The following APCDD1L variants were observed in gnomAD, a reference collection of about 807,000 sequenced individuals.
The protein encoded by APCDD1L is protein APCDD1-like.
In APCDD1L, 21 loss-of-function variants were observed where a neutral mutation model predicts 24.2. The observed-to-expected ratio is 0.87, with a 90% CI of 0.61 to 1.25. The LOEUF is 1.25. Ranked by LOEUF, APCDD1L falls within the 50% of genes most tolerant of loss-of-function variation. APCDD1L has a pLI of 0.00. For synonymous variants in APCDD1L, 321 were observed against 323.6 expected (o/e 0.99, Z 0.09); for missense variants, 704 against 711.7 (o/e 0.99, Z 0.12).
In APCDD1L at chr20:58,512,569, G is replaced by A. The variant is rs535256369; in HGVS notation, c.49+2090C>T. On this transcript the variant is annotated intron_variant, in intron 1 of 3. Transcript: ENST00000371149. ...GCGAGGTTAAGAACCCCTAACGTGT[G>A]TGTACTCAATCTGAATTCTCTTGGT... Among the ~76,000 whole-genome samples, 3 of 152,254 alleles carry A rather than the reference G, an allele frequency of 2.0e-5. No individual in the cohort carries two copies. The South Asian group carries it at 6.2e-4, about 32-fold the overall frequency.
At chr20:58,465,001 G>C (rs1204747498) in intron 3 of APCDD1L, among the ~76,000 whole-genome samples, 1 of 152,100 alleles carries the variant, frequency 6.6e-6, no homozygotes, top group Non-Finnish European at 1.5e-5. Context: ...GGTCACCCAG[G>C]TTGGCCGGGC....
chr20:58,461,353 A>G lies in APCDD1L; in HGVS notation c.943T>C (p.Tyr315His). The G allele has an allele frequency of 1.3e-6, 2 of 1,586,322 alleles. No homozygotes were observed. The highest frequency in any genetic ancestry group is 1.7e-6 in the Non-Finnish European group (2 of 1,161,706). The change falls in exon 4 of 4, where the codon TAC becomes CAC. Residue 315 changes from tyrosine to histidine, a missense_variant. Transcript: ENST00000371149. The surrounding 1 kb of genome is among the most constrained non-coding windows in gnomAD (Gnocchi z 6.0). Reference sequence around the variant, plus strand: ...CAGGCTGGGTCTGAGAAGTGGTGGTAATACCCTTCCCAGGAGCGGCTGTGC... The same window carrying G: ...CAGGCTGGGTCTGAGAAGTGGTGGTGATACCCTTCCCAGGAGCGGCTGTGC... ...HGHSRSWEGY[Y>H]HHFSDPACRQ...
At position 58,478,422 on chromosome 20, in the gene APCDD1L, C is replaced by CCCTTT. The variant is rs999304761; in HGVS notation, c.50-7676_50-7675insAAAGG. On this transcript the variant is annotated intron_variant, in intron 1 of 3. Transcript: ENST00000371149. ...TTCCTCCCTCCTTCCTTCCCTTTTC[C>CCCTTT]CCTTCCCTTCCCTTCCCTCATTTCT... Among the ~76,000 whole-genome samples the CCCTTT allele has an allele frequency of 4.7e-5, 7 of 149,756 alleles. No individual in the cohort carries two copies. The Admixed American group carries it at 4.7e-4, about 10-fold the overall frequency.
At chr20:58,464,956 G>A (rs1231481572) in intron 3 of APCDD1L, among the ~76,000 whole-genome samples, 1 of 150,248 alleles carries the variant, frequency 6.7e-6, no homozygotes, top group Non-Finnish European at 1.5e-5. Context: ...ACATTTCTAT[G>A]TGTTTTGCTT....
chr20:58,476,466 G>C (rs1366850207), intron 1 of APCDD1L, among the ~76,000 whole-genome samples: 2 of 152,252 alleles, frequency 1.3e-5, no homozygotes, highest in African/African-American at 4.8e-5. Context: ...TGGGATTACA[G>C]GCGTGAGCCA....
chr20:58,467,151 C>A lies in APCDD1L; in HGVS notation c.696G>T (p.Arg232=), dbSNP rs373848030. The stretch of plus-strand genomic sequence containing the variant: ...GCTGGTAGCCCGTGGGCCGGTAGTG[C>A]CGCCTCTCCGCCGGGTCGGTGTGGA... ...GDIHTDPAER[R]HYRPTGYQRP... Residue 232 remains arginine (R), a synonymous_variant, in exon 3 of 4, where the codon CGG becomes CGT. Transcript: ENST00000371149. This position sits in a 1 kb window ranked among gnomAD's most constrained non-coding sequence, Gnocchi z 5.9. 5 of 1,607,908 alleles carry A rather than the reference C, an allele frequency of 3.1e-6. No homozygotes were observed. Among genetic ancestry groups the A allele is most frequent in the Non-Finnish European group, 4.2e-6 (5 of 1,179,530 alleles).
chr20:58,467,380 C>T lies in APCDD1L; in HGVS notation c.467G>A (p.Arg156Gln), dbSNP rs780299857. The T allele has an allele frequency of 1.3e-6, 2 of 1,502,900 alleles. No individual in the cohort carries two copies. Among genetic ancestry groups the T allele is most frequent in the Non-Finnish European group, 1.8e-6 (2 of 1,130,446 alleles). 93.1% of individuals were successfully genotyped at this position (1,502,900 alleles called of 1,614,324 possible). A position where few individuals can be genotyped will look rare whatever the true frequency, so the allele number is the denominator to read the frequency against. ...CGGAGGCAGCCGCCGCGCGCAGTCC[C>T]GGCCGGCGCGGGTCTGGTTGAGGCG... is the stretch of plus-strand genomic sequence containing the variant. ...TGRLNQTRAG[R>Q]DCARRLPPAR... The change falls in exon 3 of 4, where the codon CGG (arginine) becomes CAG (glutamine). Residue 156 changes from arginine to glutamine, a missense_variant. Arg to Gln is a conservative substitution (Grantham distance 43). Coordinates refer to ENST00000371149, the MANE Select transcript of APCDD1L (RefSeq NM_153360.3). The surrounding 1 kb of genome is among the most constrained non-coding windows in gnomAD (Gnocchi z 5.9).
At chr20:58,466,521 C>T (rs1417249401) in intron 3 of APCDD1L, among the ~76,000 whole-genome samples, 1 of 152,222 alleles carries the variant, frequency 6.6e-6, no homozygotes, top group Admixed American at 6.5e-5. Flanking sequence ...GCGGCCCCAG[C>T]GGCGCCCTGG....
At chr20:58,476,609 C>G (rs1008797121) in intron 1 of APCDD1L, among the ~76,000 whole-genome samples, 1 of 152,240 alleles carries the variant, frequency 6.6e-6, no homozygotes, top group African/African-American at 2.4e-5. Flanking sequence ...ATCAAATAGA[C>G]TCACATCAGA....
At position 58,467,741 on chromosome 20, in the gene APCDD1L, C is replaced by T; in HGVS notation, c.189-83G>A. On this transcript the variant is annotated intron_variant, in intron 2 of 3. Transcript: ENST00000371149. The surrounding 1 kb of genome is among the most constrained non-coding windows in gnomAD (Gnocchi z 5.9). ...TCTCCCCTCTGGGCTGGGCTCCTTT[C>T]TCCCCCCCAGCCCTCCTCTTAGTCC... The T allele has an allele frequency of 7.6e-7, 1 of 1,314,488 alleles. No homozygotes were observed. The highest frequency in any genetic ancestry group is 9.9e-7 in the Non-Finnish European group (1 of 1,011,972). The allele number at this position is 1,314,488 out of a possible 1,614,324, so 81.4% of individuals were successfully genotyped here.
chr20:58,512,578 A>G (rs937069813), intron 1 of APCDD1L, among the ~76,000 whole-genome samples: 2 of 152,068 alleles, frequency 1.3e-5, no homozygotes, highest in East Asian at 1.9e-4. Context: ...TGTGTACTCA[A>G]TCTGAATTCT....
At chr20:58,507,560 G>A (rs1266897450) in intron 1 of APCDD1L, among the ~76,000 whole-genome samples, 7 of 151,900 alleles carry the variant, frequency 4.6e-5, no homozygotes, top group African/African-American at 1.5e-4. Flanking sequence ...CACACACACA[G>A]TGGTAATTTA....
chr20:58,495,736 TGAA>T (rs1277174178), intron 1 of APCDD1L, among the ~76,000 whole-genome samples: 1 of 152,078 alleles, frequency 6.6e-6, no homozygotes, highest in Non-Finnish European at 1.5e-5. Context: ...CGCACACACA[TGAA>T]GGTGTGACCC....
intron 1 of APCDD1L, among the ~76,000 whole-genome samples, chr20:58,512,787 G>A (rs563176913): frequency 1.2e-4 from 19 of 152,292 alleles, no homozygotes; most frequent in South Asian, 6.2e-4. Flanking sequence ...TCAAAGAAGC[G>A]TTCAGTGGAA....
chr20:58,465,361 G>C (rs1484999058), intron 3 of APCDD1L, among the ~76,000 whole-genome samples: 4 of 152,202 alleles, frequency 2.6e-5, no homozygotes, highest in Non-Finnish European at 4.4e-5. Context: ...AGGAAGGCAG[G>C]CTTCTGGTCT....
At chr20:58,496,800 A>C (rs531971097) in intron 1 of APCDD1L, among the ~76,000 whole-genome samples, 2 of 151,964 alleles carry the variant, frequency 1.3e-5, no homozygotes, top group South Asian at 4.2e-4. Context: ...TGCATGGGAG[A>C]GTGGAGGAAG....
chr20:58,472,463 G>A (rs918212267), intron 1 of APCDD1L, among the ~76,000 whole-genome samples: 3 of 152,106 alleles, frequency 2.0e-5, no homozygotes, highest in Admixed American at 6.6e-5. Flanking sequence ...GTGTGACGGC[G>A]TCACCGGTGC....
chr20:58,498,606 G>A (rs1482441650), intron 1 of APCDD1L, among the ~76,000 whole-genome samples: 2 of 152,244 alleles, frequency 1.3e-5, no homozygotes, highest in Non-Finnish European at 2.9e-5. Flanking sequence ...AGGGCAGAGG[G>A]AGGAGGTCCG....
At chr20:58,468,872 A>T (rs535729770) in intron 2 of APCDD1L, among the ~76,000 whole-genome samples, 1 of 152,118 alleles carries the variant, frequency 6.6e-6, no homozygotes, top group African/African-American at 2.4e-5. Context: ...TTTTCTTGAT[A>T]TTTTTTTGTA....
Sources: gnomAD v4.1 joint callset for allele counts (sites outside exome capture counted in the v4.1 genomes callset) on GRCh38, gnomAD v4.1.1 for gene constraint, Gnocchi (gnomAD v3.1) non-coding constraint, MANE v1.5 for transcripts, NCBI Gene and HGNC (gene_info 2026-07-23, HGNC 2026-07-21) for gene names.